Variants in CLDN1 observed in about 807,000 individuals in gnomAD.
The protein encoded by CLDN1 is claudin-1.
CLDN1 carries 12 observed loss-of-function variants against 22.6 expected under a neutral mutation model. The observed-to-expected ratio is 0.53, with a 90% CI of 0.34 to 0.86. The LOEUF (loss-of-function observed/expected upper bound fraction) is 0.86, where lower values mean the gene tolerates loss of function less well. CLDN1 is among the 40% of genes least tolerant of loss of function. The probability of loss-of-function intolerance (pLI) is 0.02; values close to 1 mark genes in which losing one functional copy is unlikely to be tolerated. For missense variants in CLDN1, 250 were observed against 269.5 expected (o/e 0.93, Z 0.51); for synonymous variants, 99 against 103.8 (o/e 0.95, Z 0.28).
In CLDN1 at chr3:190,310,210, G is replaced by A. The variant is rs781556791; in HGVS notation, c.432C>T (p.Ile144=). The A allele has an allele frequency of 7.4e-6, 12 of 1,613,718 alleles. No homozygotes were observed. The highest frequency in any genetic ancestry group is 1.7e-5 in the Admixed American group (1 of 59,982). Residue 144 remains isoleucine (I), a synonymous_variant, in exon 3 of 4, where the codon ATC becomes ATT. Coordinates refer to ENST00000295522, the MANE Select transcript of CLDN1 (RefSeq NM_021101.5). ...LVATAWYGNR[I]VQEFYDPMTP... ...TCATAGGGTCATAGAATTCTTGAAC[G>A]ATTCTATTGCCATACCATGCTGTGG... is the stretch of plus-strand genomic sequence containing the variant.
At chr3:190,314,553 C>A (rs1480247071) in intron 1 of CLDN1, among the ~76,000 whole-genome samples, 1 of 140,352 alleles carries the variant, frequency 7.1e-6, no homozygotes, top group Non-Finnish European at 1.5e-5. Flanking sequence ...AACCACCATG[C>A]CTGGCTAAAT....
At chr3:190,312,840 G>C in intron 2 of CLDN1, 32 bp downstream of exon 2, 1 of 1,611,014 alleles carries the variant, frequency 6.2e-7, no homozygotes, top group Non-Finnish European at 8.5e-7. Context: ...GAACAGGTTA[G>C]TAAGGTGAAA....
At chr3:190,314,684 G>A (rs6783361) in intron 1 of CLDN1, among the ~76,000 whole-genome samples, 13,513 of 152,046 alleles carry the variant, frequency 0.089, 1,203 homozygotes, top group African/African-American at 0.23. Flanking sequence ...GATTACAGAC[G>A]TGAGCCACTA....
intron 1 of CLDN1, among the ~76,000 whole-genome samples, chr3:190,317,979 G>T (rs561041197): frequency 6.6e-6 from 1 of 152,302 alleles, no homozygotes; most frequent in Non-Finnish European, 1.5e-5. Context: ...AAAATATTGT[G>T]CTTCCTTCTC....
At chr3:190,310,321 A>G in intron 2 of CLDN1, 68 bp from the exon 3 acceptor site, 2 of 1,177,968 alleles carry the variant, frequency 1.7e-6, no homozygotes, top group Non-Finnish European at 2.5e-6. Context: ...ACAACCTGTT[A>G]AACCAAAACA....
At chr3:190,311,408 TGA>T (rs932490409) in intron 2 of CLDN1, among the ~76,000 whole-genome samples, 1 of 152,200 alleles carries the variant, frequency 6.6e-6, no homozygotes, top group Non-Finnish European at 1.5e-5. Context: ...TTGGGTAAAC[TGA>T]GAGACTGGTC....
At chr3:190,318,264 C>T (rs1451750474) in intron 1 of CLDN1, among the ~76,000 whole-genome samples, 3 of 152,176 alleles carry the variant, frequency 2.0e-5, no homozygotes, top group African/African-American at 7.2e-5. Context: ...TTGTGTGTTT[C>T]TTCAAGAAAT....
At chr3:190,309,704 A>C (rs1012078356) in intron 3 of CLDN1, among the ~76,000 whole-genome samples, 9 of 152,350 alleles carry the variant, frequency 5.9e-5, no homozygotes, top group African/African-American at 2.2e-4. Context: ...AAAAACATAC[A>C]TAATAGCTTT....
Position 190,307,381 on chromosome 3 carries a change from A to C in CLDN1, c.*896T>G, listed in dbSNP as rs1327391338. 3.3e-5 allele frequency: 5 copies of C among 152,208 alleles called. No individual in the cohort carries two copies. Among genetic ancestry groups the C allele is most frequent in the Non-Finnish European group, 5.9e-5 (4 of 68,042 alleles). The allele number at this position is 152,208 out of a possible 1,614,324, so 9.4% of individuals were successfully genotyped here. A position where few individuals can be genotyped will look rare whatever the true frequency, so the allele number is the denominator to read the frequency against. On this transcript the variant is annotated 3_prime_UTR_variant, in exon 4 of 4. Transcript: ENST00000295522. The stretch of plus-strand genomic sequence containing the variant: ...GAATAAGTAGCTTAAAAATTCAATC[A>C]ATAAAGTTGTGTTACAACACCTGGG...
At chr3:190,321,320 A>G (rs6764208) in intron 1 of CLDN1, among the ~76,000 whole-genome samples, 11,256 of 152,168 alleles carry the variant, frequency 0.074, 558 homozygotes, top group East Asian at 0.14. Context: ...GTCAGCCTCT[A>G]CAGAAGACCT....
rs780870918 is a variant in CLDN1 at position 190,307,328 on chromosome 3, A to C, written c.*949T>G. The C allele has an allele frequency of 1.3e-5, 2 of 152,334 alleles. No individual in the cohort carries two copies. The highest frequency in any genetic ancestry group is 3.9e-4 in the East Asian group (2 of 5,184). The allele number at this position is 152,334 out of a possible 1,614,324, so 9.4% of individuals were successfully genotyped here. A position where few individuals can be genotyped will look rare whatever the true frequency, so the allele number is the denominator to read the frequency against. On this transcript the variant is annotated 3_prime_UTR_variant, in exon 4 of 4. Coordinates refer to ENST00000295522, the MANE Select transcript of CLDN1 (RefSeq NM_021101.5). ...ATACAATTAAGGAATGGGGAACAAA[A>C]AGGTAGTTTAGGGGGATATAAAACT...
At position 190,306,942 on chromosome 3, in the gene CLDN1, TAGAG is replaced by T. The variant is rs937114841; in HGVS notation, c.*1331_*1334del. Reference sequence around the variant, plus strand: ...GTTTTGTTCAGTGGAAATAGACTGGTAGAGAGAGGAAGGCAGTGAATCACATGAA... The same window carrying T: ...GTTTTGTTCAGTGGAAATAGACTGGTAGAGGAAGGCAGTGAATCACATGAA... On this transcript the variant is annotated 3_prime_UTR_variant, in exon 4 of 4. Coordinates refer to ENST00000295522, the MANE Select transcript of CLDN1 (RefSeq NM_021101.5). 1 of 152,592 alleles carries T rather than the reference TAGAG, an allele frequency of 6.6e-6. No individual in the cohort carries two copies. The highest frequency in any genetic ancestry group is 6.6e-5 in the Admixed American group (1 of 15,266). 9.5% of individuals were successfully genotyped at this position (152,592 alleles called of 1,614,324 possible). A position where few individuals can be genotyped will look rare whatever the true frequency, so the allele number is the denominator to read the frequency against.
Position 190,308,238 on chromosome 3 carries a change from C to T in CLDN1, c.*39G>A, listed in dbSNP as rs752689978. 19 of 1,609,360 alleles carry T rather than the reference C, an allele frequency of 1.2e-5. No homozygotes were observed. Among genetic ancestry groups the T allele is most frequent in the South Asian group, 3.3e-5 (3 of 90,930 alleles). On this transcript the variant is annotated 3_prime_UTR_variant, in exon 4 of 4. Transcript: ENST00000295522. ...ATGATAGTATCTCAATGTCCATTTT[C>T]GGTTTGTTTCAACATGATTTTCTCC...
At chr3:190,310,342 G>T in intron 2 of CLDN1, 89 bp from the exon 3 acceptor site, 2 of 950,976 alleles carry the variant, frequency 2.1e-6, no homozygotes, top group Admixed American at 1.9e-5. Flanking sequence ...TATTTTGCAA[G>T]AATTAAATCT....
In CLDN1 at chr3:190,311,820, T is replaced by A. The variant is rs1716628390; in HGVS notation, c.388+1052A>T. 2.6e-5 allele frequency among the ~76,000 whole-genome samples: 4 copies of A among 151,892 alleles called. No homozygotes were observed. The South Asian group carries it at 8.4e-4, about 32-fold the overall frequency. ...ACACGTAAGTATACATACACTATAATTTTTTAAATAGGCATTATTATAAAG... is the reference window on the plus strand; with the variant it reads ...ACACGTAAGTATACATACACTATAAATTTTTAAATAGGCATTATTATAAAG... On this transcript the variant is annotated intron_variant, in intron 2 of 3. Transcript: ENST00000295522.
intron 3 of CLDN1, 76 bp downstream of exon 3, chr3:190,310,093 C>T: frequency 1.7e-6 from 2 of 1,162,288 alleles, no homozygotes; most frequent in African/African-American, 1.5e-5. Context: ...GAAATGATGG[C>T]ACTAGCAGGA....
chr3:190,308,596 C>T (rs1237411069), intron 3 of CLDN1, among the ~76,000 whole-genome samples, 157 bp from the exon 4 acceptor site: 6 of 151,932 alleles, frequency 3.9e-5, no homozygotes, highest in African/African-American at 1.5e-4. Flanking sequence ...TGAACATACA[C>T]GCCAAAGAAT....
intron 3 of CLDN1, among the ~76,000 whole-genome samples, chr3:190,309,674 A>C (rs1460746932): frequency 6.6e-6 from 1 of 152,216 alleles, no homozygotes; most frequent in Non-Finnish European, 1.5e-5. Context: ...AAAAATTTCA[A>C]GGTGGTATCT....
chr3:190,316,275 T>C (rs1413473706), intron 1 of CLDN1, among the ~76,000 whole-genome samples: 2 of 152,246 alleles, frequency 1.3e-5, no homozygotes, highest in African/African-American at 4.8e-5. Context: ...ACTTACATCC[T>C]GGCAACTATT....
Sources: allele counts gnomAD v4.1 joint callset (sites outside exome capture counted in the v4.1 genomes callset), GRCh38; gene constraint gnomAD v4.1.1; transcripts MANE v1.5; gene names NCBI Gene and HGNC (gene_info 2026-07-23, HGNC 2026-07-21).